The following PDSS2 variants were observed in gnomAD, a reference collection of about 807,000 sequenced individuals.
PDSS2 encodes the protein decaprenyl diphosphate synthase subunit 2, also known as all trans-polyprenyl-diphosphate synthase PDSS2.
Under a neutral mutation model 44.5 loss-of-function variants are expected in PDSS2, and 31 were observed. That is an observed-to-expected ratio of 0.70 (90% confidence interval 0.52 to 0.94). PDSS2 has a LOEUF of 0.94. Ranked by LOEUF, PDSS2 falls within the 40% of genes least tolerant of loss-of-function variation. PDSS2 has a pLI of 0.00. For synonymous variants in PDSS2, 157 were observed against 180.3 expected (o/e 0.87, Z 1.03); for missense variants, 452 against 482.2 (o/e 0.94, Z 0.59).
At chr6:107,366,060 T>C (rs1738890435) in intron 1 of PDSS2, among the ~76,000 whole-genome samples, 1 of 152,158 alleles carries the variant, frequency 6.6e-6, no homozygotes, top group South Asian at 2.1e-4. Flanking sequence ...AACTGACATT[T>C]ATAGAATACT....
At chr6:107,358,754 G>C (rs1003229162) in intron 1 of PDSS2, among the ~76,000 whole-genome samples, 4 of 152,214 alleles carry the variant, frequency 2.6e-5, no homozygotes, top group African/African-American at 9.6e-5. Flanking sequence ...ACTTTGTTGG[G>C]AGGGGCTGCG....
intron 2 of PDSS2, among the ~76,000 whole-genome samples, chr6:107,292,743 C>T (rs1363031917): frequency 6.6e-6 from 1 of 152,126 alleles, no homozygotes; most frequent in Non-Finnish European, 1.5e-5. Flanking sequence ...CATAATTATC[C>T]TGCAGGTCAA....
chr6:107,390,204 G>A (rs903804531), intron 1 of PDSS2, among the ~76,000 whole-genome samples: 4 of 152,108 alleles, frequency 2.6e-5, no homozygotes, highest in Non-Finnish European at 2.9e-5. Context: ...AAAGAACAGA[G>A]GATGAGGTAT....
intron 7 of PDSS2, among the ~76,000 whole-genome samples, chr6:107,188,635 C>T (rs1376783161): frequency 6.6e-6 from 1 of 152,160 alleles, no homozygotes; most frequent in Non-Finnish European, 1.5e-5. Context: ...GGAGGTGGGC[C>T]TAGCGGGAGG....
intron 1 of PDSS2, among the ~76,000 whole-genome samples, chr6:107,427,636 T>C (rs918736666): frequency 6.6e-6 from 1 of 152,146 alleles, no homozygotes; most frequent in African/African-American, 2.4e-5. Flanking sequence ...GGTTAAGGGG[T>C]GGGAGCAGGT....
intron 2 of PDSS2, among the ~76,000 whole-genome samples, chr6:107,287,454 G>A (rs1776192598): frequency 6.6e-6 from 1 of 151,858 alleles, no homozygotes; most frequent in Non-Finnish European, 1.5e-5. Context: ...CATACCTCTT[G>A]ACCTATGATA....
intron 6 of PDSS2, among the ~76,000 whole-genome samples, chr6:107,198,794 A>AAACAACAAC (rs1378965607): frequency 2.0e-5 from 2 of 101,330 alleles, no homozygotes; most frequent in Non-Finnish European, 3.9e-5. Flanking sequence ...CTGTCTCTAC[A>AAACAACAAC]AACAATAACA....
chr6:107,199,131 T>C (rs1424566518), intron 6 of PDSS2, among the ~76,000 whole-genome samples: 9 of 152,270 alleles, frequency 5.9e-5, no homozygotes, highest in African/African-American at 1.9e-4. Flanking sequence ...CGATAGTTTC[T>C]ATTACACCTC....
At chr6:107,389,318 T>C (rs919282868) in intron 1 of PDSS2, among the ~76,000 whole-genome samples, 4 of 152,096 alleles carry the variant, frequency 2.6e-5, no homozygotes, top group African/African-American at 9.7e-5. Flanking sequence ...TGACATAATA[T>C]CTCTGAGAAT....
intron 1 of PDSS2, among the ~76,000 whole-genome samples, chr6:107,383,298 CAAAAAAAAAAAAAAA>C (rs35910650): frequency 1.4e-4 from 4 of 28,430 alleles, no homozygotes; most frequent in Admixed American, 6.0e-4. Flanking sequence ...GACTCCATCT[CAAAAAAAAAAAAAAA>C]AAAAAAAAAA....
chr6:107,205,699 G>C (rs942299250), intron 6 of PDSS2, among the ~76,000 whole-genome samples: 4 of 152,148 alleles, frequency 2.6e-5, no homozygotes, highest in Non-Finnish European at 1.5e-5. Context: ...GGTTGTGTGC[G>C]TGTGTGTCAA....
intron 1 of PDSS2, among the ~76,000 whole-genome samples, chr6:107,435,907 TA>T (rs1422569454): frequency 1.5e-4 from 22 of 151,632 alleles, no homozygotes; most frequent in African/African-American, 3.4e-4. Flanking sequence ...AAAGCTATTT[TA>T]AAACATTTGT....
intron 3 of PDSS2, among the ~76,000 whole-genome samples, chr6:107,268,902 C>G (rs1775496476): frequency 6.6e-6 from 1 of 151,842 alleles, no homozygotes; most frequent in Non-Finnish European, 1.5e-5. Context: ...GAGGCACTCT[C>G]TTTTTGCTTC....
At chr6:107,195,917 T>C in intron 6 of PDSS2, among the ~76,000 whole-genome samples, 1 of 152,228 alleles carries the variant, frequency 6.6e-6, no homozygotes, top group East Asian at 1.9e-4. Flanking sequence ...TGCACAGTTG[T>C]TGGCACCACC....
intron 2 of PDSS2, among the ~76,000 whole-genome samples, chr6:107,279,150 C>T (rs1775882220): frequency 6.6e-6 from 1 of 150,818 alleles, no homozygotes; most frequent in Admixed American, 6.6e-5. Flanking sequence ...ACCCGGGAGG[C>T]GGAGGTTGCA....
At chr6:107,207,591 T>C (rs934911479) in intron 6 of PDSS2, among the ~76,000 whole-genome samples, 2 of 148,452 alleles carry the variant, frequency 1.3e-5, no homozygotes, top group Admixed American at 6.8e-5. Context: ...AAGATTAAAA[T>C]AAACTCAGTA....
At chr6:107,254,896 CTGTG>C (rs1774955763) in intron 3 of PDSS2, among the ~76,000 whole-genome samples, 1 of 151,546 alleles carries the variant, frequency 6.6e-6, no homozygotes. Flanking sequence ...TGGAGTCTCG[CTGTG>C]TCACCCAGGC....
intron 1 of PDSS2, among the ~76,000 whole-genome samples, chr6:107,354,260 C>T (rs1778526655): frequency 3.3e-5 from 5 of 152,096 alleles, no homozygotes. Flanking sequence ...ATTAATCTGA[C>T]AAGGAGAACA....
In PDSS2 at chr6:107,364,321, C is replaced by T. The variant is rs190500945; in HGVS notation, c.297-29989G>A. Among the ~76,000 whole-genome samples the T allele has an allele frequency of 3.0e-3, 459 of 151,818 alleles. 3 individuals are homozygous for T. Among genetic ancestry groups the T allele is most frequent in the African/African-American group, 0.011 (435 of 41,232 alleles). The stretch of plus-strand genomic sequence containing the variant: ...TGGTGCTGGTCGGGGAGGTTCGGGC[C>T]GCACAGGAGCCCATGGAGTGGGTGG... On this transcript the variant is annotated intron_variant, in intron 1 of 7. Transcript: ENST00000369037.
Sources: allele counts gnomAD v4.1 joint callset (sites outside exome capture counted in the v4.1 genomes callset), GRCh38; gene constraint gnomAD v4.1.1; transcripts MANE v1.5; gene names NCBI Gene and HGNC (gene_info 2026-07-23, HGNC 2026-07-21).